Variants in ZMYM6 observed in about 807,000 individuals in gnomAD.
ZMYM6 encodes zinc finger MYM-type protein 6.
Under a neutral mutation model 134.0 loss-of-function variants are expected in ZMYM6, and 90 were observed. The observed-to-expected ratio is 0.67, with a 90% CI of 0.57 to 0.80. The LOEUF is 0.80. Ranked by LOEUF, ZMYM6 falls within the 30% of genes least tolerant of loss-of-function variation. The pLI is 0.00. For missense variants in ZMYM6, 1,362 were observed against 1,533.9 expected (o/e 0.89, Z 1.87); for synonymous variants, 481 against 524.1 (o/e 0.92, Z 1.12).
At position 35,008,984 on chromosome 1, in the gene ZMYM6, A is replaced by G. The variant is rs986483756; in HGVS notation, c.1493-60T>C. The G allele has an allele frequency of 1.1e-5, 17 of 1,540,800 alleles. No homozygotes were observed. The African/African-American group carries it at 1.1e-4, about 10-fold the overall frequency. On this transcript the variant is annotated intron_variant, in intron 10 of 15. Coordinates refer to ENST00000357182, the MANE Select transcript of ZMYM6 (RefSeq NM_007167.4). ...AATTTACATTAACTGAGGAGGTATA[A>G]TAAGTTTCTGTGGTCTTAGATATGA...
Position 35,015,166 on chromosome 1 carries a change from A to G in ZMYM6, c.429-4T>C. 1 of 1,580,756 alleles carries G rather than the reference A, an allele frequency of 6.3e-7. No homozygotes were observed. The highest frequency in any genetic ancestry group is 1.2e-5 in the South Asian group (1 of 86,380). ...ATCCTTAGGATTTAAAATGTCTCTA[A>G]AAATAAATAACAAAGGTAAAAATGA... On this transcript the variant is annotated splice_region_variant and splice_polypyrimidine_tract_variant and intron_variant, in intron 4 of 15. Transcript: ENST00000357182.
At chr1:35,013,192 T>C (rs1354693143) in intron 6 of ZMYM6, 4 of 707,764 alleles carry the variant, frequency 5.7e-6, no homozygotes, top group Non-Finnish European at 1.7e-6. Context: ...AATTTATATA[T>C]AGTGTATCAC....
intron 9 of ZMYM6, 55 bp downstream of exon 9, chr1:35,010,701 CAA>C: frequency 6.5e-7 from 1 of 1,538,532 alleles, no homozygotes; most frequent in Non-Finnish European, 8.7e-7. Flanking sequence ...ATTGAAAACA[CAA>C]AAGTGTTTCT....
intron 2 of ZMYM6, among the ~76,000 whole-genome samples, chr1:35,028,311 C>G (rs2148463467): frequency 6.8e-6 from 1 of 146,568 alleles, no homozygotes; most frequent in East Asian, 2.3e-4. Flanking sequence ...GAGCAAGACT[C>G]CATCTCAAAA....
intron 15 of ZMYM6, 61 bp downstream of exon 15, chr1:34,992,173 A>C (rs1313246646): frequency 2.5e-6 from 4 of 1,606,720 alleles, no homozygotes; most frequent in Non-Finnish European, 3.4e-6. Context: ...CTTTCTTAAA[A>C]AACAAAAACA....
chr1:35,008,917 T>C lies in ZMYM6; in HGVS notation c.1500A>G (p.Lys500=). ...CTCCAAAGTCACGGGCAGAGAGGAA[T>C]TTGCAAACTGAGGATCAGAGGGATG... ...VDKPFCSEVC[K]FLSARDFGER... Residue 500 remains lysine (K), a synonymous_variant, in exon 11 of 16, where the codon AAA becomes AAG. Transcript: ENST00000357182. 8 of 1,610,730 alleles carry C rather than the reference T, an allele frequency of 5.0e-6. No individual in the cohort carries two copies. The highest frequency in any genetic ancestry group is 6.8e-6 in the Non-Finnish European group (8 of 1,178,666).
chr1:34,988,790 T>C lies in ZMYM6; in HGVS notation c.2292A>G (p.Pro764=), dbSNP rs1352748042. The change falls in exon 16 of 16, where the codon CCA becomes CCG. Residue 764 remains proline (P), a synonymous_variant. Coordinates refer to ENST00000357182, the MANE Select transcript of ZMYM6 (RefSeq NM_007167.4). ...IICPGSKESS[P]RPQCVICGEI... ...CTCCACAAATGACACACTGTGGCCTTGGTGAACTTTCTTTTGATCCAGGAC... is the reference window on the plus strand; with the variant it reads ...CTCCACAAATGACACACTGTGGCCTCGGTGAACTTTCTTTTGATCCAGGAC... 2 of 1,552,084 alleles carry C rather than the reference T, an allele frequency of 1.3e-6. No individual in the cohort carries two copies. The highest frequency in any genetic ancestry group is 3.9e-5 in the Admixed American group (2 of 50,964).
intron 11 of ZMYM6, 62 bp from the exon 12 acceptor site, chr1:35,007,160 A>T: frequency 3.3e-6 from 5 of 1,503,226 alleles, no homozygotes; most frequent in Non-Finnish European, 4.5e-6. Context: ...AGATAACATT[A>T]ATCATAAAAA....
rs755265583 is a variant in ZMYM6, at chr1:34,988,620, C to G, written c.2462G>C (p.Cys821Ser). Reference protein sequence around the residue: ...MECQNSSLKKCLLVEKSLVKA... With the variant: ...MECQNSSLKKSLLVEKSLVKA... Reference sequence around the variant, plus strand: ...CACAAGTGACTTTTCAACTAGTAAACACTTTTTTAAAGAACTATTTTGACA... The same window carrying G: ...CACAAGTGACTTTTCAACTAGTAAAGACTTTTTTAAAGAACTATTTTGACA... Residue 821 changes from cysteine to serine, a missense_variant, in exon 16 of 16, where the codon TGT becomes TCT. Cys to Ser is a moderately radical substitution (Grantham distance 112, BLOSUM62 -1). Transcript: ENST00000357182. 18 of 1,549,216 alleles carry G rather than the reference C, an allele frequency of 1.2e-5. No individual in the cohort carries two copies. The South Asian group carries it at 2.2e-4, about 19-fold the overall frequency.
intron 12 of ZMYM6, 27 bp downstream of exon 12, chr1:35,006,924 A>G (rs769319480): frequency 1.3e-6 from 2 of 1,594,878 alleles, no homozygotes; most frequent in Admixed American, 1.8e-5. Flanking sequence ...CTGACATAAA[A>G]ATCCCATTAG....
intron 2 of ZMYM6, 101 bp from the exon 3 acceptor site, chr1:35,020,568 CTTTTTTT>C (rs942213398): frequency 9.1e-5 from 22 of 241,168 alleles, no homozygotes; most frequent in South Asian, 2.1e-4. Context: ...TATTCATCTC[CTTTTTTT>C]TTTTTTTTTT....
chr1:35,026,176 G>A (rs919313650), intron 2 of ZMYM6, among the ~76,000 whole-genome samples: 10 of 151,878 alleles, frequency 6.6e-5, no homozygotes, highest in Admixed American at 5.9e-4. Context: ...GCCCACCACC[G>A]CGCCCGGCTA....
At position 34,986,972 on chromosome 1, in the gene ZMYM6, C is replaced by G. The variant is rs1340951648; in HGVS notation, c.*132G>C. ...CAATCATAATTATTAAATTCCTCAA[C>G]AAAAAGGGAAAAATTATTAAAACAT... On this transcript the variant is annotated 3_prime_UTR_variant, in exon 16 of 16. Coordinates refer to ENST00000357182, the MANE Select transcript of ZMYM6 (RefSeq NM_007167.4). 1.7e-6 allele frequency: 1 copy of G among 584,946 alleles called. No homozygotes were observed. The highest frequency in any genetic ancestry group is 2.7e-6 in the Non-Finnish European group (1 of 376,588). The allele number at this position is 584,946 out of a possible 1,614,324, so 36.2% of individuals were successfully genotyped here. A position where few individuals can be genotyped will look rare whatever the true frequency, so the allele number is the denominator to read the frequency against.
At chr1:34,994,971 A>G (rs1490057846) in intron 14 of ZMYM6, among the ~76,000 whole-genome samples, 1 of 144,188 alleles carries the variant, frequency 6.9e-6, no homozygotes, top group Non-Finnish European at 1.5e-5. Flanking sequence ...ATATCATAAT[A>G]TGGATATATA....
At chr1:34,998,942 C>T (rs1462547514) in intron 14 of ZMYM6, among the ~76,000 whole-genome samples, 4 of 151,984 alleles carry the variant, frequency 2.6e-5, no homozygotes, top group South Asian at 2.1e-4. Flanking sequence ...GGCAACATAG[C>T]GAGACCTCAT....
At chr1:35,013,490 C>G (rs1340312427) in intron 6 of ZMYM6, 1 of 985,202 alleles carries the variant, frequency 1.0e-6, no homozygotes, top group South Asian at 4.7e-5. Flanking sequence ...ATTTTGGGAT[C>G]ATATATAAAA....
Position 34,988,853 on chromosome 1 carries a change from A to T in ZMYM6, c.2229T>A (p.Thr743=). The change falls in exon 16 of 16, where the codon ACT becomes ACA. Residue 743 remains threonine, a synonymous_variant. Transcript: ENST00000357182. ...CAACTTTTAAATATTCTGTATCATAAGTCTGGAAAAAACCTAATCTTTTTT... is the reference window on the plus strand; with the variant it reads ...CAACTTTTAAATATTCTGTATCATATGTCTGGAAAAAACCTAATCTTTTTT... The part of the protein sequence containing the change: ...SKKKRLGFFQ[T]YDTEYLKVGF... 2 of 1,600,678 alleles carry T rather than the reference A, an allele frequency of 1.2e-6. No homozygotes were observed. Among genetic ancestry groups the T allele is most frequent in the African/African-American group, 1.3e-5 (1 of 74,782 alleles).
intron 2 of ZMYM6, among the ~76,000 whole-genome samples, chr1:35,023,092 T>G (rs538653517): frequency 6.6e-6 from 1 of 152,238 alleles, no homozygotes; most frequent in East Asian, 1.9e-4. Flanking sequence ...GCACGATATG[T>G]ACACAAAATG....
At chr1:35,027,564 C>G (rs1382783306) in intron 2 of ZMYM6, among the ~76,000 whole-genome samples, 4 of 151,938 alleles carry the variant, frequency 2.6e-5, no homozygotes, top group Non-Finnish European at 5.9e-5. Flanking sequence ...GCCTGGGCAA[C>G]ATAAGGAGAC....
Sources: allele counts gnomAD v4.1 joint callset (sites outside exome capture counted in the v4.1 genomes callset), GRCh38; gene constraint gnomAD v4.1.1; transcripts MANE v1.5; gene names NCBI Gene and HGNC (gene_info 2026-07-23, HGNC 2026-07-21).